The following COBLL1 variants were observed in gnomAD, a reference collection of about 807,000 sequenced individuals.
The protein encoded by COBLL1 is cordon-bleu WH2 repeat protein like 1, also known as cordon-bleu protein-like 1.
Under a neutral mutation model 94.8 loss-of-function variants are expected in COBLL1, and 50 were observed. The observed-to-expected ratio is 0.53, with a 90% CI of 0.42 to 0.67. COBLL1 has a LOEUF of 0.67. Among genes scored for constraint, COBLL1 ranks in the 30% least tolerant of loss-of-function variants. The pLI, the probability that COBLL1 is intolerant of heterozygous loss-of-function variation, is 0.00. For missense variants in COBLL1, 1,362 were observed against 1,348.7 expected (o/e 1.01, Z -0.15); for synonymous variants, 448 against 473.8 (o/e 0.95, Z 0.71).
At position 164,743,777 on chromosome 2, in the gene COBLL1, A is replaced by G; in HGVS notation, c.140T>C (p.Met47Thr). ...ADSVESTAFI[M>T]EQKENMIDKD... ...ATCTATCATGTTTTCTTTCTGTTCC[A>G]TGATGAAAGCAGTGGATTCTACAGA... Residue 47 changes from methionine to threonine, a missense_variant, in exon 3 of 14, where the codon ATG (methionine) becomes ACG (threonine). Physicochemically the swap from Met to Thr is moderately conservative, Grantham distance 81. Coordinates refer to ENST00000652658, the MANE Select transcript of COBLL1 (RefSeq NM_001365672.2). 1 of 1,613,538 alleles carries G rather than the reference A, an allele frequency of 6.2e-7. No individual in the cohort carries two copies. Among genetic ancestry groups the G allele is most frequent in the African/African-American group, 1.3e-5 (1 of 75,014 alleles).
chr2:164,841,978 G>C (rs1683649651), upstream of COBLL1: 3 of 1,539,692 alleles, frequency 1.9e-6, no homozygotes, highest in African/African-American at 1.4e-5. The surrounding 1 kb of genome is among the most constrained non-coding windows in gnomAD (Gnocchi z 5.5). Context: ...TCCCTGCCCG[G>C]AGTCCGGGAG....
intron 2 of COBLL1, among the ~76,000 whole-genome samples, chr2:164,834,564 A>G (rs1683233950): frequency 6.6e-6 from 1 of 152,234 alleles, no homozygotes; most frequent in Non-Finnish European, 1.5e-5. Flanking sequence ...TAAATTTTTA[A>G]TTAAACAATT....
At chr2:164,706,427 C>T (rs1574445188) in intron 7 of COBLL1, among the ~76,000 whole-genome samples, 2 of 152,192 alleles carry the variant, frequency 1.3e-5, no homozygotes, top group African/African-American at 4.8e-5. Flanking sequence ...GCTCCCTCTC[C>T]AGAGGATCTC....
intron 2 of COBLL1, among the ~76,000 whole-genome samples, chr2:164,662,917 A>G (rs1691095186): frequency 6.6e-6 from 1 of 152,146 alleles, no homozygotes; most frequent in Non-Finnish European, 1.5e-5. Context: ...TGATGAGTCA[A>G]TTAAATCTCT....
chr2:164,822,754 A>C, intron 2 of COBLL1, among the ~76,000 whole-genome samples: 1 of 146,744 alleles, frequency 6.8e-6, no homozygotes. Context: ...TATTATTATT[A>C]TTATTATTAT....
intron 2 of COBLL1, among the ~76,000 whole-genome samples, chr2:164,803,791 C>T (rs1433513849): frequency 6.6e-6 from 1 of 151,938 alleles, no homozygotes; most frequent in African/African-American, 2.4e-5. Context: ...AGGTAGTAAG[C>T]CCTAGAGGTA....
rs565403167 is a variant in COBLL1 at position 164,782,846 on chromosome 2, C to A, written c.42-38971G>T. Among the ~76,000 whole-genome samples, 162 of 152,178 alleles carry A rather than the reference C, an allele frequency of 1.1e-3. 2 individuals are homozygous for A. Among genetic ancestry groups the A allele is most frequent in the Middle Eastern group, 6.8e-3 (2 of 294 alleles). Reference sequence around the variant, plus strand: ...AAATGTTTAATAAAAGTTTAACATTCAAAATAACAAGAAAACCCACTGCAA... The same window carrying A: ...AAATGTTTAATAAAAGTTTAACATTAAAAATAACAAGAAAACCCACTGCAA... On this transcript the variant is annotated intron_variant, in intron 2 of 13. Coordinates refer to ENST00000652658, the MANE Select transcript of COBLL1 (RefSeq NM_001365672.2).
At position 164,704,959 on chromosome 2, in the gene COBLL1, A is replaced by C; in HGVS notation, c.1143T>G (p.Arg381=). ...IPPHQSDENS[R]VTALQPVDGV... ...ATGAAACAACCACATTACCAGTCAC[A>C]CGACTATTTTCATCACTTTGATGCG... The change falls in exon 8 of 14, where the codon CGT becomes CGG. Residue 381 remains arginine, a synonymous_variant. Transcript: ENST00000652658. 1 of 1,579,138 alleles carries C rather than the reference A, an allele frequency of 6.3e-7. No individual in the cohort carries two copies. The highest frequency in any genetic ancestry group is 8.6e-7 in the Non-Finnish European group (1 of 1,166,436).
At chr2:164,663,993 TACTAA>T (rs1219805811) in intron 2 of COBLL1, among the ~76,000 whole-genome samples, 1 of 152,242 alleles carries the variant, frequency 6.6e-6, no homozygotes, top group Non-Finnish European at 1.5e-5. Context: ...TTTTTGCTTT[TACTAA>T]AATGTATAAT....
At chr2:164,838,619 TC>T (rs994680087) in intron 2 of COBLL1, among the ~76,000 whole-genome samples, 1 of 152,214 alleles carries the variant, frequency 6.6e-6, no homozygotes, top group African/African-American at 2.4e-5. Context: ...TGCTGGGACT[TC>T]AACACACTCA....
At chr2:164,808,743 A>G (rs550419572) in intron 2 of COBLL1, among the ~76,000 whole-genome samples, 1 of 152,262 alleles carries the variant, frequency 6.6e-6, no homozygotes, top group East Asian at 1.9e-4. Context: ...ATACAACACT[A>G]TTACTTTTTT....
intron 2 of COBLL1, among the ~76,000 whole-genome samples, chr2:164,802,955 T>C (rs928365533): frequency 6.6e-6 from 1 of 152,212 alleles, no homozygotes; most frequent in Non-Finnish European, 1.5e-5. Context: ...CAGTGCTAAA[T>C]GGTCTTTCTC....
chr2:164,841,037 C>G lies in COBLL1; in HGVS notation c.41+119G>C, dbSNP rs1683574399. On this transcript the variant is annotated intron_variant, in intron 2 of 13. Transcript: ENST00000652658. The surrounding 1 kb of genome is among the most constrained non-coding windows in gnomAD (Gnocchi z 5.5). ...CCTCCCCGGCCGCGTGGAGGACAGT[C>G]AGTGAGTCAGGCCGCCGGCAGGGCA... is the stretch of plus-strand genomic sequence containing the variant. 9.2e-7 allele frequency: 1 copy of G among 1,084,060 alleles called. No homozygotes were observed. Among genetic ancestry groups the G allele is most frequent in the Non-Finnish European group, 1.2e-6 (1 of 855,292 alleles). 67.2% of individuals were successfully genotyped at this position (1,084,060 alleles called of 1,614,324 possible). A position where few individuals can be genotyped will look rare whatever the true frequency, so the allele number is the denominator to read the frequency against.
downstream of COBLL1, among the ~76,000 whole-genome samples, chr2:164,678,441 A>G (rs1009009351): frequency 1.3e-5 from 2 of 152,136 alleles, no homozygotes; most frequent in Admixed American, 1.3e-4. Context: ...AAACCATACA[A>G]AAAACTTCAG....
intron 1 of COBLL1, among the ~76,000 whole-genome samples, chr2:164,671,231 C>T (rs1242137640): frequency 1.3e-5 from 2 of 152,058 alleles, no homozygotes; most frequent in Non-Finnish European, 2.9e-5. Flanking sequence ...AATTAGAATA[C>T]TATAACAAAA....
chr2:164,795,977 G>A (rs542260026), intron 2 of COBLL1, among the ~76,000 whole-genome samples: 1 of 152,204 alleles, frequency 6.6e-6, no homozygotes, highest in Admixed American at 6.5e-5. Context: ...TCTAGACACT[G>A]TGTCTCCTGG....
intron 2 of COBLL1, among the ~76,000 whole-genome samples, chr2:164,828,574 G>T (rs996941840): frequency 2.6e-5 from 4 of 152,140 alleles, no homozygotes; most frequent in Admixed American, 2.0e-4. Context: ...AGCACTCACT[G>T]TGTATAAAAA....
chr2:164,833,098 C>T (rs1045703173), intron 2 of COBLL1, among the ~76,000 whole-genome samples: 1 of 152,030 alleles, frequency 6.6e-6, no homozygotes, highest in Non-Finnish European at 1.5e-5. Flanking sequence ...GTGGCTCATG[C>T]CTGTAATCCC....
chr2:164,739,360 A>G (rs1230003748), intron 3 of COBLL1, among the ~76,000 whole-genome samples: 1 of 152,214 alleles, frequency 6.6e-6, no homozygotes, highest in East Asian at 1.9e-4. Context: ...GTGCACTCAC[A>G]TTCCCCAAAA....
Sources: allele counts gnomAD v4.1 joint callset (sites outside exome capture counted in the v4.1 genomes callset), GRCh38; gene constraint gnomAD v4.1.1; non-coding constraint Gnocchi (gnomAD v3.1); transcripts MANE v1.5; gene names NCBI Gene and HGNC (gene_info 2026-07-23, HGNC 2026-07-21).